Variants in ARHGAP10 observed in about 807,000 individuals in gnomAD.
ARHGAP10 encodes the protein Rho GTPase activating protein 10.
In ARHGAP10, 87 loss-of-function variants were observed where a neutral mutation model predicts 108.6. The ratio of observed to expected loss-of-function variants is 0.80; its 90% CI spans 0.67 to 0.96. The LOEUF (loss-of-function observed/expected upper bound fraction) is 0.96. Ranked by LOEUF, ARHGAP10 falls within the 40% of genes least tolerant of loss-of-function variation. ARHGAP10 has a pLI of 0.00. For missense variants in ARHGAP10, 939 were observed against 954.5 expected (o/e 0.98, Z 0.21); for synonymous variants, 347 against 341.1 (o/e 1.02, Z -0.19).
chr4:148,027,446 A>C (rs990293837), intron 19 of ARHGAP10, among the ~76,000 whole-genome samples: 1 of 152,226 alleles, frequency 6.6e-6, no homozygotes, highest in African/African-American at 2.4e-5. Flanking sequence ...CATTTTGTTG[A>C]GCATGTGTTA....
intron 6 of ARHGAP10, 164 bp downstream of exon 6, chr4:147,865,120 T>C: frequency 1.6e-6 from 1 of 609,198 alleles, no homozygotes; most frequent in East Asian, 3.0e-5. Context: ...AGTCAAGGAA[T>C]TGCCTCTAAA....
At chr4:147,894,470 A>T (rs1231199531) in intron 10 of ARHGAP10, among the ~76,000 whole-genome samples, 1 of 152,208 alleles carries the variant, frequency 6.6e-6, no homozygotes, top group Non-Finnish European at 1.5e-5. Flanking sequence ...CGGATATAAT[A>T]ATAGTGAATA....
chr4:148,065,110 C>G (rs1337014331), intron 22 of ARHGAP10: 5 of 152,212 alleles, frequency 3.3e-5, no homozygotes, highest in Admixed American at 1.3e-4. Flanking sequence ...AAAAAGTTCT[C>G]TTATGGCTCA....
chr4:147,926,337 A>G (rs1267143172), intron 13 of ARHGAP10, among the ~76,000 whole-genome samples: 3 of 152,176 alleles, frequency 2.0e-5, no homozygotes, highest in Non-Finnish European at 4.4e-5. Context: ...GGTTTAAACT[A>G]GAATATTTGC....
At chr4:147,927,759 A>G (rs186365109) in intron 13 of ARHGAP10, among the ~76,000 whole-genome samples, 2 of 152,296 alleles carry the variant, frequency 1.3e-5, no homozygotes, top group Non-Finnish European at 2.9e-5. Flanking sequence ...CTTGATCCTA[A>G]GGGAAGGCGC....
intron 1 of ARHGAP10, among the ~76,000 whole-genome samples, chr4:147,820,734 G>A (rs528988205): frequency 1.8e-4 from 28 of 151,848 alleles, no homozygotes; most frequent in South Asian, 1.5e-3. Flanking sequence ...GGTATTAAAG[G>A]CATGCACCAC....
chr4:147,757,066 A>G (rs959509784), intron 1 of ARHGAP10, among the ~76,000 whole-genome samples: 4 of 152,044 alleles, frequency 2.6e-5, no homozygotes, highest in African/African-American at 7.2e-5. Context: ...AACCTGGGCT[A>G]TAGTGGCTTC....
At chr4:147,811,604 A>T (rs768288401) in intron 1 of ARHGAP10, among the ~76,000 whole-genome samples, 16 of 151,236 alleles carry the variant, frequency 1.1e-4, no homozygotes, top group Non-Finnish European at 1.6e-4. Flanking sequence ...AAAAAAAAAC[A>T]AAAAACAAAA....
intron 18 of ARHGAP10, among the ~76,000 whole-genome samples, chr4:147,996,857 G>A (rs554061123): frequency 6.6e-6 from 1 of 152,194 alleles, no homozygotes; most frequent in South Asian, 2.1e-4. Context: ...AGGCCATGTT[G>A]TGAGGGAACA....
chr4:147,911,098 A>G (rs1736711320), intron 12 of ARHGAP10, among the ~76,000 whole-genome samples: 3 of 149,722 alleles, frequency 2.0e-5, no homozygotes, highest in African/African-American at 7.4e-5. Context: ...TATTGCAGAG[A>G]CGTTAAAACA....
At chr4:147,842,276 T>TC (rs933112219) in intron 3 of ARHGAP10, among the ~76,000 whole-genome samples, 11 of 152,148 alleles carry the variant, frequency 7.2e-5, no homozygotes, top group Admixed American at 7.2e-4. Context: ...GTGTTAGCCT[T>TC]TGGGGCTCAG....
chr4:147,843,066 A>G lies in ARHGAP10; in HGVS notation c.313-4085A>G, dbSNP rs77409685. Among the ~76,000 whole-genome samples, 1,475 of 152,282 alleles carry G rather than the reference A, an allele frequency of 9.7e-3. 23 individuals carry two copies. The highest frequency in any genetic ancestry group is 0.032 in the African/African-American group (1,341 of 41,552). The stretch of plus-strand genomic sequence containing the variant: ...ATGGAAAAAATAGCCATTTGGTAGC[A>G]ACTCTCAGCTTTTTGTCATGAAGCC... On this transcript the variant is annotated intron_variant, in intron 3 of 22. Transcript: ENST00000336498.
At chr4:147,790,758 G>A (rs1184688040) in intron 1 of ARHGAP10, among the ~76,000 whole-genome samples, 1 of 152,184 alleles carries the variant, frequency 6.6e-6, no homozygotes, top group Non-Finnish European at 1.5e-5. Flanking sequence ...TTCTGGTCGT[G>A]TCTTTCCTTT....
intron 11 of ARHGAP10, among the ~76,000 whole-genome samples, chr4:147,907,878 T>C (rs1240062813): frequency 6.6e-6 from 1 of 152,182 alleles, no homozygotes; most frequent in Non-Finnish European, 1.5e-5. Context: ...AATCTCACTC[T>C]GTTGCCCAGT....
At chr4:147,796,859 AG>A (rs533297076) in intron 1 of ARHGAP10, among the ~76,000 whole-genome samples, 6 of 152,270 alleles carry the variant, frequency 3.9e-5, no homozygotes, top group Admixed American at 3.9e-4. Context: ...TACTGGCCAT[AG>A]TTATAACATT....
intron 13 of ARHGAP10, among the ~76,000 whole-genome samples, chr4:147,914,992 T>C (rs1368859034): frequency 1.3e-5 from 2 of 152,170 alleles, no homozygotes; most frequent in Admixed American, 1.3e-4. Flanking sequence ...TAGTGAAGTA[T>C]GTATAAATGG....
chr4:147,807,869 T>G (rs959031021), intron 1 of ARHGAP10, among the ~76,000 whole-genome samples: 1 of 152,198 alleles, frequency 6.6e-6, no homozygotes, highest in Non-Finnish European at 1.5e-5. Context: ...TGAATTGTAT[T>G]AATGGTCCAG....
chr4:148,033,906 G>T (rs1464983265), intron 19 of ARHGAP10, among the ~76,000 whole-genome samples: 2 of 152,152 alleles, frequency 1.3e-5, no homozygotes, highest in Admixed American at 1.3e-4. Context: ...CGTTGTCCCG[G>T]CGTTTTGGGG....
chr4:147,880,690 T>A (rs1735292278), intron 9 of ARHGAP10, among the ~76,000 whole-genome samples: 1 of 152,178 alleles, frequency 6.6e-6, no homozygotes, highest in East Asian at 1.9e-4. Flanking sequence ...AGCACTTGTA[T>A]TTCTGCATTG....
Sources: allele counts gnomAD v4.1 joint callset (sites outside exome capture counted in the v4.1 genomes callset), GRCh38; gene constraint gnomAD v4.1.1; transcripts MANE v1.5; gene names NCBI Gene and HGNC (gene_info 2026-07-23, HGNC 2026-07-21).